Variants in ANKRD44 observed in about 807,000 individuals in gnomAD.
The protein encoded by ANKRD44 is serine/threonine-protein phosphatase 6 regulatory ankyrin repeat subunit B.
In ANKRD44, 35 loss-of-function variants were observed where a neutral mutation model predicts 116.0. That is an observed-to-expected ratio of 0.30 (90% CI 0.23 to 0.40). ANKRD44 has a LOEUF of 0.40. Among genes scored for constraint, ANKRD44 ranks in the 10% least tolerant of loss-of-function variants. The pLI, the probability that ANKRD44 is intolerant of heterozygous loss-of-function variation, is 1.00. For missense variants in ANKRD44, 1,014 were observed against 1,242.6 expected, an observed-to-expected ratio of 0.82 and a Z score of 2.77; for synonymous variants, 435 against 461.8, an observed-to-expected ratio of 0.94 and a Z score of 0.74.
chr2:196,972,915 T>C (rs533265349), intron 21 of ANKRD44, among the ~76,000 whole-genome samples: 2 of 152,348 alleles, frequency 1.3e-5, no homozygotes, highest in South Asian at 4.1e-4. Context: ...ATCCCTGAAA[T>C]TGGGATGCAT....
chr2:197,074,499 T>A (rs1426236820), intron 16 of ANKRD44, among the ~76,000 whole-genome samples: 1 of 152,030 alleles, frequency 6.6e-6, no homozygotes, highest in African/African-American at 2.4e-5. Context: ...AGAGATGGGG[T>A]CTTGTTCTGT....
chr2:197,232,197 G>A (rs932507390), intron 1 of ANKRD44, among the ~76,000 whole-genome samples: 1 of 152,168 alleles, frequency 6.6e-6, no homozygotes, highest in African/African-American at 2.4e-5. Flanking sequence ...TAAGTGAGCT[G>A]ATCACAAAAC....
intron 23 of ANKRD44, among the ~76,000 whole-genome samples, chr2:196,999,563 C>CT (rs1553614092): frequency 7.2e-6 from 1 of 138,396 alleles, no homozygotes; most frequent in East Asian, 2.1e-4. Context: ...TGTACAGACA[C>CT]TTATTTATTT....
intron 10 of ANKRD44, among the ~76,000 whole-genome samples, chr2:197,095,169 A>C (rs545213216): frequency 6.6e-6 from 1 of 152,316 alleles, no homozygotes; most frequent in South Asian, 2.1e-4. Flanking sequence ...TTCTATGATA[A>C]TCTAAAACAA....
In ANKRD44 at chr2:197,264,452, A is replaced by G. The variant is rs143998994; in HGVS notation, c.27+46126T>C. ...CAGAAAGCATCCTGGATTTCTTGAA[A>G]GGAATTTCCCAGCATGTTTTCAGCA... is the stretch of plus-strand genomic sequence containing the variant. On this transcript the variant is annotated intron_variant, in intron 1 of 27. Coordinates refer to ENST00000282272, the MANE Select transcript of ANKRD44 (RefSeq NM_001195144.2). Among the ~76,000 whole-genome samples the G allele has an allele frequency of 8.2e-4, 125 of 152,360 alleles. 1 individual carries two copies. Among genetic ancestry groups the G allele is most frequent in the African/African-American group, 2.8e-3 (116 of 41,578 alleles).
intron 1 of ANKRD44, among the ~76,000 whole-genome samples, chr2:197,288,054 A>T (rs1026882972): frequency 2.0e-5 from 3 of 151,926 alleles, no homozygotes; most frequent in African/African-American, 7.2e-5. Context: ...AAAGAAAAGA[A>T]AAAAAGATAT....
chr2:197,225,695 TC>T (rs143588743), intron 1 of ANKRD44, among the ~76,000 whole-genome samples: 7,167 of 152,216 alleles, frequency 0.047, 555 homozygotes, highest in African/African-American at 0.16. Flanking sequence ...GAAATCTGAT[TC>T]CCAAGGAAGA....
chr2:197,063,514 G>C (rs1361306969), intron 16 of ANKRD44, among the ~76,000 whole-genome samples: 1 of 152,146 alleles, frequency 6.6e-6, no homozygotes, highest in Admixed American at 6.5e-5. Context: ...CCAGCTAAAG[G>C]AGGAAGTTCG....
Position 197,187,644 on chromosome 2 carries a change from T to TTCTCTC in ANKRD44, c.28-544_28-539dup, listed in dbSNP as rs55952976. Among the ~76,000 whole-genome samples the TTCTCTC allele has an allele frequency of 4.4e-3, 596 of 134,716 alleles. 6 individuals carry two copies. The highest frequency in any genetic ancestry group is 0.023 in the Middle Eastern group (6 of 260). 88.4% of individuals were successfully genotyped at this position (134,716 alleles called of 152,430 possible). ...AGAGACACCAGAGCTCACGTTCTCA[T>TTCTCTC]TCTCTCTCTCTCTCTCTCTCTCTCT... On this transcript the variant is annotated intron_variant, in intron 1 of 27. Coordinates refer to ENST00000282272, the MANE Select transcript of ANKRD44 (RefSeq NM_001195144.2).
In ANKRD44 at chr2:197,229,060, T is replaced by C. The variant is rs532759439; in HGVS notation, c.28-41954A>G. On this transcript the variant is annotated intron_variant, in intron 1 of 27. Coordinates refer to ENST00000282272, the MANE Select transcript of ANKRD44 (RefSeq NM_001195144.2). ...CACACACACAAAAAGAGCTGTTACC[T>C]GAAATGTGGAGTTATGTGCTGTGTC... is the stretch of plus-strand genomic sequence containing the variant. Among the ~76,000 whole-genome samples the C allele has an allele frequency of 5.9e-5, 9 of 152,280 alleles. 1 individual carries two copies. The highest frequency in any genetic ancestry group is 1.0e-4 in the Non-Finnish European group (7 of 68,018).
intron 10 of ANKRD44, among the ~76,000 whole-genome samples, chr2:197,094,673 G>A (rs1248017769): frequency 1.3e-5 from 2 of 152,150 alleles, no homozygotes; most frequent in African/African-American, 4.8e-5. Context: ...GAGAGGATGA[G>A]ACAAAAACAT....
chr2:197,000,331 TA>T lies in ANKRD44; in HGVS notation c.2519+87del, dbSNP rs2076092019. 1.2e-5 allele frequency: 12 copies of T among 1,009,966 alleles called. No individual in the cohort carries two copies. In the South Asian group the frequency reaches 1.5e-4, roughly 13 times the overall value. 62.6% of individuals were successfully genotyped at this position (1,009,966 alleles called of 1,614,324 possible). ...CATGCTTATCCATTATTCTTTCAATTAAAAACATAGATGTTTGGCTACTCTG... is the reference window on the plus strand; with the variant it reads ...CATGCTTATCCATTATTCTTTCAATTAAAACATAGATGTTTGGCTACTCTG... On this transcript the variant is annotated intron_variant, in intron 23 of 27. Coordinates refer to ENST00000282272, the MANE Select transcript of ANKRD44 (RefSeq NM_001195144.2).
chr2:197,215,591 A>G (rs905796499), intron 1 of ANKRD44, among the ~76,000 whole-genome samples: 3 of 152,218 alleles, frequency 2.0e-5, no homozygotes, highest in Non-Finnish European at 4.4e-5. Flanking sequence ...AAATGAAATC[A>G]AATCAAATAT....
rs1031229622 is a variant in ANKRD44 at position 197,068,744 on chromosome 2, A to T, written c.1650+9959T>A. On this transcript the variant is annotated intron_variant, in intron 16 of 27. Coordinates refer to ENST00000282272, the MANE Select transcript of ANKRD44 (RefSeq NM_001195144.2). Reference sequence around the variant, plus strand: ...TCAGAGAAATGCAAATCAAAACCACAATGAGATACCATCTCACACCAGTTA... The same window carrying T: ...TCAGAGAAATGCAAATCAAAACCACTATGAGATACCATCTCACACCAGTTA... Among the ~76,000 whole-genome samples, 4 of 152,222 alleles carry T rather than the reference A, an allele frequency of 2.6e-5. 1 individual carries two copies. Among genetic ancestry groups the T allele is most frequent in the Admixed American group, 2.6e-4 (4 of 15,286 alleles).
chr2:197,006,092 A>G (rs373109335), intron 20 of ANKRD44, among the ~76,000 whole-genome samples, 182 bp from the exon 21 acceptor site: 60 of 151,610 alleles, frequency 4.0e-4, no homozygotes, highest in African/African-American at 1.0e-3. Flanking sequence ...TAACAGAAAA[A>G]TCTGTGAACA....
intron 1 of ANKRD44, chr2:197,300,860 T>A (rs2083887206): frequency 6.7e-6 from 1 of 150,370 alleles, no homozygotes; most frequent in South Asian, 2.1e-4. Context: ...TCCTCCCAGG[T>A]TCAAGCAATT....
intron 1 of ANKRD44, 77 bp downstream of exon 1, chr2:197,310,501 C>A (rs1384474594): frequency 6.2e-6 from 6 of 961,888 alleles, no homozygotes; most frequent in African/African-American, 1.8e-5. Flanking sequence ...GCGCTCCAGC[C>A]GCGCCCCCAT....
intron 17 of ANKRD44, among the ~76,000 whole-genome samples, chr2:197,021,013 G>A (rs927492042): frequency 2.0e-5 from 3 of 151,590 alleles, no homozygotes; most frequent in Admixed American, 6.6e-5. Flanking sequence ...TGTTTTCATT[G>A]TTCAGTTTTC....
chr2:197,013,769 C>CA, intron 17 of ANKRD44, 57 bp from the exon 18 acceptor site: 1 of 1,592,974 alleles, frequency 6.3e-7, no homozygotes, highest in Non-Finnish European at 8.6e-7. Flanking sequence ...AATCCCGCCA[C>CA]AGTCCACAGG....
Sources: allele counts gnomAD v4.1 joint callset (sites outside exome capture counted in the v4.1 genomes callset), GRCh38; gene constraint gnomAD v4.1.1; transcripts MANE v1.5; gene names NCBI Gene and HGNC (gene_info 2026-07-23, HGNC 2026-07-21).